Variants in PCCA observed in about 807,000 individuals in gnomAD.
PCCA encodes propionyl-CoA carboxylase alpha chain, mitochondrial.
PCCA carries 74 observed loss-of-function variants against 101.3 expected under a neutral mutation model. The ratio of observed to expected loss-of-function variants is 0.73; its 90% CI spans 0.61 to 0.89. The LOEUF (loss-of-function observed/expected upper bound fraction) is 0.89, where lower values mean the gene tolerates loss of function less well. Ranked by LOEUF, PCCA falls within the 40% of genes least tolerant of loss-of-function variation. PCCA has a pLI of 0.00. For missense variants in PCCA, 891 were observed against 907.0 expected, an observed-to-expected ratio of 0.98 and a Z score of 0.23; for synonymous variants, 294 against 313.6, an observed-to-expected ratio of 0.94 and a Z score of 0.66.
At chr13:100,433,282 CTTG>C (rs1270956556) in intron 20 of PCCA, among the ~76,000 whole-genome samples, 4 of 152,178 alleles carry the variant, frequency 2.6e-5, no homozygotes, top group African/African-American at 9.7e-5. Flanking sequence ...TTTGTTAACA[CTTG>C]TTATTTTCTG....
intron 4 of PCCA, among the ~76,000 whole-genome samples, chr13:100,115,632 GAT>G (rs1594168881): frequency 6.6e-6 from 1 of 152,244 alleles, no homozygotes; most frequent in East Asian, 1.9e-4. Context: ...CTGAAATGTA[GAT>G]GCAGTACATT....
chr13:100,206,769 A>G (rs1443107511), intron 6 of PCCA, among the ~76,000 whole-genome samples: 1 of 152,206 alleles, frequency 6.6e-6, no homozygotes, highest in African/African-American at 2.4e-5. Context: ...TCCCTGAAGC[A>G]GGTCCTAAGA....
chr13:100,191,145 G>C (rs2057716075), intron 6 of PCCA, among the ~76,000 whole-genome samples: 1 of 152,156 alleles, frequency 6.6e-6, no homozygotes, highest in Admixed American at 6.5e-5. Context: ...CTCAACCATA[G>C]TACTTCCAAG....
intron 6 of PCCA, among the ~76,000 whole-genome samples, chr13:100,178,800 G>T (rs1460999766): frequency 7.2e-5 from 11 of 151,946 alleles, no homozygotes; most frequent in Non-Finnish European, 2.9e-5. Flanking sequence ...TGTGTGGGCC[G>T]GGCGCGGTGG....
intron 16 of PCCA, among the ~76,000 whole-genome samples, chr13:100,326,165 A>G (rs569666298): frequency 6.6e-6 from 1 of 152,348 alleles, no homozygotes; most frequent in African/African-American, 2.4e-5. Flanking sequence ...CACAGGATTT[A>G]TGAAAGAGGC....
intron 18 of PCCA, among the ~76,000 whole-genome samples, chr13:100,352,487 T>C (rs1373129522): frequency 6.6e-6 from 1 of 151,450 alleles, no homozygotes; most frequent in Non-Finnish European, 1.5e-5. Context: ...TTTGAACTCC[T>C]GGGCTCAGGT....
chr13:100,247,614 A>C (rs1232417703), intron 8 of PCCA, among the ~76,000 whole-genome samples: 1 of 149,406 alleles, frequency 6.7e-6, no homozygotes, highest in Non-Finnish European at 1.5e-5. Context: ...CCCGGGTTCA[A>C]GCAATTCTCC....
chr13:100,279,015 A>T (rs996165468), intron 12 of PCCA, among the ~76,000 whole-genome samples: 1 of 152,170 alleles, frequency 6.6e-6, no homozygotes, highest in South Asian at 2.1e-4. Context: ...ATAGAATGTC[A>T]TGTCCATGTT....
At chr13:100,340,500 A>G (rs2071138737) in intron 18 of PCCA, among the ~76,000 whole-genome samples, 1 of 152,214 alleles carries the variant, frequency 6.6e-6, no homozygotes, top group Non-Finnish European at 1.5e-5. Flanking sequence ...ACATAAGAAG[A>G]TAGTCTGAAA....
chr13:100,233,033 C>T (rs2152517538), intron 7 of PCCA, among the ~76,000 whole-genome samples: 1 of 152,178 alleles, frequency 6.6e-6, no homozygotes, highest in East Asian at 1.9e-4. Context: ...AATTGTTTTT[C>T]AGAATTTTTT....
At chr13:100,158,504 A>G (rs546698078) in intron 6 of PCCA, among the ~76,000 whole-genome samples, 16 of 152,352 alleles carry the variant, frequency 1.1e-4, no homozygotes, top group African/African-American at 3.6e-4. Context: ...GGACACATCC[A>G]GAGGTTCCAG....
intron 21 of PCCA, among the ~76,000 whole-genome samples, chr13:100,451,392 G>A (rs1236723423): frequency 1.3e-5 from 2 of 152,124 alleles, no homozygotes; most frequent in African/African-American, 4.8e-5. Context: ...ATCTTTTCAT[G>A]CAATAATAGA....
chr13:100,449,746 T>G (rs981545568), intron 21 of PCCA, among the ~76,000 whole-genome samples: 1 of 152,214 alleles, frequency 6.6e-6, no homozygotes, highest in Admixed American at 6.5e-5. Context: ...CACCTCGGCT[T>G]CCCAAAGTGC....
At chr13:100,255,953 C>T (rs2062043495) in intron 8 of PCCA, among the ~76,000 whole-genome samples, 1 of 152,168 alleles carries the variant, frequency 6.6e-6, no homozygotes, top group Admixed American at 6.5e-5. Context: ...CCTCTGTTTT[C>T]CCCACTATTC....
chr13:100,427,252 G>A (rs2079214588), intron 20 of PCCA, among the ~76,000 whole-genome samples: 1 of 152,160 alleles, frequency 6.6e-6, no homozygotes, highest in African/African-American at 2.4e-5. Flanking sequence ...ACAAAAAACT[G>A]TGGTTTTGTT....
At chr13:100,338,951 T>G (rs1044538620) in intron 17 of PCCA, among the ~76,000 whole-genome samples, 2 of 152,080 alleles carry the variant, frequency 1.3e-5, no homozygotes, top group African/African-American at 2.4e-5. Context: ...TTAAATTACT[T>G]CATTTCTTCC....
intron 23 of PCCA, among the ~76,000 whole-genome samples, chr13:100,529,212 A>G (rs555667128): frequency 4.6e-4 from 70 of 152,300 alleles, no homozygotes; most frequent in African/African-American, 1.3e-3. Flanking sequence ...CCTCCCAGAG[A>G]AAAAAAGTTC....
In PCCA at chr13:100,355,226, C is replaced by CA. The variant is rs894629337; in HGVS notation, c.1644-13236dup. Among the ~76,000 whole-genome samples, 448 of 147,674 alleles carry CA rather than the reference C, an allele frequency of 3.0e-3. 3 individuals carry two copies. The highest frequency in any genetic ancestry group is 4.9e-3 in the South Asian group (23 of 4,698). On this transcript the variant is annotated intron_variant, in intron 18 of 23. Coordinates refer to ENST00000376285, the MANE Select transcript of PCCA (RefSeq NM_000282.4). ...AAAAACCACAGGATTATCTCAAATGCAAAAAAAAAATCTGACAAAATCCAA... is the reference window on the plus strand; with the variant it reads ...AAAAACCACAGGATTATCTCAAATGCAAAAAAAAAAATCTGACAAAATCCAA...
At chr13:100,204,179 G>A (rs148661057) in intron 6 of PCCA, among the ~76,000 whole-genome samples, 216 of 151,782 alleles carry the variant, frequency 1.4e-3, no homozygotes, top group African/African-American at 5.0e-3. Context: ...ATCCAGGCTG[G>A]AGTGCAGCGG....
Sources: allele counts gnomAD v4.1 joint callset (sites outside exome capture counted in the v4.1 genomes callset), GRCh38; gene constraint gnomAD v4.1.1; transcripts MANE v1.5; gene names NCBI Gene and HGNC (gene_info 2026-07-23, HGNC 2026-07-21).